NRXN1: variants seen among roughly 807,000 people sequenced by gnomAD.
NRXN1 encodes the protein neurexin-1.
Under a neutral mutation model 150.9 loss-of-function variants are expected in NRXN1, and 39 were observed. The ratio of observed to expected loss-of-function variants is 0.26; its 90% CI spans 0.20 to 0.34. NRXN1 has a LOEUF of 0.34. Among genes scored for constraint, NRXN1 ranks in the 10% least tolerant of loss-of-function variants. The pLI is 1.00. For missense variants in NRXN1, 1,815 were observed against 1,949.9 expected, an observed-to-expected ratio of 0.93 and a Z score of 1.30; for synonymous variants, 924 against 757.0, an observed-to-expected ratio of 1.22 and a Z score of -3.62.
intron 17 of NRXN1, among the ~76,000 whole-genome samples, chr2:50,278,388 G>A (rs2070944084): frequency 6.9e-6 from 1 of 145,892 alleles, no homozygotes; most frequent in African/African-American, 2.6e-5. Flanking sequence ...CTGACCTCAA[G>A]TGCTCCGCCC....
rs1327423715 is a variant in NRXN1, at chr2:50,978,303, TATAAA to T, written c.772+49194_772+49198del. On this transcript the variant is annotated intron_variant, in intron 2 of 22. Coordinates refer to ENST00000401669, the MANE Select transcript of NRXN1 (RefSeq NM_001330078.2). The stretch of plus-strand genomic sequence containing the variant: ...ATATATATATATATATATATATATA[TATAAA>T]ATATATATATTATAGATAGATTTGT... Among the ~76,000 whole-genome samples, 3 of 126,870 alleles carry T rather than the reference TATAAA, an allele frequency of 2.4e-5. No homozygotes were observed. In the East Asian group the frequency reaches 7.2e-4, roughly 30 times the overall value. The allele number at this position is 126,870 out of a possible 152,430, so 83.2% of individuals were successfully genotyped here.
intron 5 of NRXN1, among the ~76,000 whole-genome samples, chr2:50,664,046 G>T (rs1687668772): frequency 1.3e-5 from 2 of 151,752 alleles, no homozygotes; most frequent in African/African-American, 4.8e-5. Context: ...CTTGCTCAGG[G>T]GCTAGGAACA....
chr2:50,447,737 T>TTTTATTTATATATATATATA (rs1208594855), intron 17 of NRXN1, among the ~76,000 whole-genome samples: 1 of 37,934 alleles, frequency 2.6e-5, no homozygotes, highest in African/African-American at 1.6e-4. Context: ...CAGGGGAACG[T>TTTTATTTATATATATATATA]TATATATATA....
intron 17 of NRXN1, among the ~76,000 whole-genome samples, chr2:50,307,433 T>G (rs547010403): frequency 1.3e-5 from 2 of 152,182 alleles, no homozygotes; most frequent in Non-Finnish European, 2.9e-5. Context: ...GCAATTTAAT[T>G]AGTCACTAAG....
intron 17 of NRXN1, among the ~76,000 whole-genome samples, chr2:50,370,364 G>A (rs1339692641): frequency 6.6e-6 from 1 of 151,948 alleles, no homozygotes; most frequent in Admixed American, 6.6e-5. Flanking sequence ...TTAGGAATCT[G>A]CATTCTTAAC....
intron 17 of NRXN1, among the ~76,000 whole-genome samples, chr2:50,310,652 C>T (rs2075096779): frequency 6.6e-6 from 1 of 152,134 alleles, no homozygotes; most frequent in Non-Finnish European, 1.5e-5. Flanking sequence ...CAATCTGATA[C>T]TTCTACTGTT....
At chr2:50,282,638 T>C (rs544120181) in intron 17 of NRXN1, among the ~76,000 whole-genome samples, 555 of 152,246 alleles carry the variant, frequency 3.6e-3, no homozygotes, top group Non-Finnish European at 6.3e-3. Context: ...ACATAAATGG[T>C]ATAGTTTGGG....
At chr2:50,603,937 C>A (rs1676684359) in intron 8 of NRXN1, among the ~76,000 whole-genome samples, 1 of 152,150 alleles carries the variant, frequency 6.6e-6, no homozygotes, top group African/African-American at 2.4e-5. Flanking sequence ...GCTCCCCACT[C>A]CTTTTCACTT....
Position 50,787,340 on chromosome 2 carries a change from A to G in NRXN1, c.832+134529T>C, listed in dbSNP as rs544930770. Among the ~76,000 whole-genome samples, 452 of 152,124 alleles carry G rather than the reference A, an allele frequency of 3.0e-3. 2 individuals are homozygous for G. The highest frequency in any genetic ancestry group is 0.01 in the African/African-American group (420 of 41,538). The stretch of plus-strand genomic sequence containing the variant: ...TTTGGGAGGCCGAGGTGAGTGGATC[A>G]CCTGATGTCAGGAGTTCGAGACCAG... On this transcript the variant is annotated intron_variant, in intron 5 of 22. Transcript: ENST00000401669.
At position 50,683,646 on chromosome 2, in the gene NRXN1, A is replaced by AAAAAAAAAAAAATATATAT; in HGVS notation, c.833-60032_833-60031insATATATATTTTTTTTTTTT. On this transcript the variant is annotated intron_variant, in intron 5 of 22. Transcript: ENST00000401669. ...GACTCCGTCTCAAAAAAAAAAAAAA[A>AAAAAAAAAAAAATATATAT]ATATATATATATATATATATGTTAT... 7.2e-3 allele frequency among the ~76,000 whole-genome samples: 107 copies of AAAAAAAAAAAAATATATAT among 14,866 alleles called. 10 individuals carry two copies. Among genetic ancestry groups the AAAAAAAAAAAAATATATAT allele is most frequent in the South Asian group, 0.012 (2 of 162 alleles). 9.8% of individuals were successfully genotyped at this position (14,866 alleles called of 152,430 possible).
At chr2:49,971,814 G>A (rs947659660) in intron 21 of NRXN1, among the ~76,000 whole-genome samples, 19 of 152,016 alleles carry the variant, frequency 1.2e-4, no homozygotes, top group African/African-American at 4.6e-4. Context: ...AATGATCTGA[G>A]TATATTATCC....
intron 19 of NRXN1, among the ~76,000 whole-genome samples, chr2:50,067,671 C>T (rs897528188): frequency 6.6e-6 from 1 of 152,134 alleles, no homozygotes; most frequent in Non-Finnish European, 1.5e-5. Context: ...AATGGTTTAA[C>T]AGCTACAAAA....
At chr2:50,827,615 T>C (rs1670637087) in intron 5 of NRXN1, among the ~76,000 whole-genome samples, 1 of 152,262 alleles carries the variant, frequency 6.6e-6, no homozygotes, top group Non-Finnish European at 1.5e-5. Flanking sequence ...TTTATTTATT[T>C]AGTTTTTTAA....
chr2:50,685,218 G>A (rs559933838), intron 5 of NRXN1, among the ~76,000 whole-genome samples: 17 of 151,836 alleles, frequency 1.1e-4, no homozygotes, highest in East Asian at 5.8e-4. Context: ...TCTTTGATCC[G>A]CCTGTTTTTC....
At chr2:50,933,495 C>T (rs1005124090) in intron 2 of NRXN1, among the ~76,000 whole-genome samples, 1 of 152,012 alleles carries the variant, frequency 6.6e-6, no homozygotes, top group Non-Finnish European at 1.5e-5. Context: ...ATACAAACTG[C>T]AATTCTCTTT....
intron 15 of NRXN1, among the ~76,000 whole-genome samples, chr2:50,472,867 T>C (rs1298895302): frequency 7.3e-5 from 11 of 151,242 alleles, no homozygotes. Context: ...ATTAGTATCA[T>C]TGTTTCTAAA....
chr2:50,431,726 G>A (rs2084979491), intron 17 of NRXN1, among the ~76,000 whole-genome samples: 1 of 152,120 alleles, frequency 6.6e-6, no homozygotes, highest in Admixed American at 6.5e-5. Context: ...CAATCACAGA[G>A]TTGAATAGCT....
chr2:50,488,334 C>T (rs1205987428), intron 15 of NRXN1, among the ~76,000 whole-genome samples: 1 of 152,174 alleles, frequency 6.6e-6, no homozygotes, highest in Admixed American at 6.5e-5. Flanking sequence ...GAATTTGGCA[C>T]TAGAACTGCT....
At chr2:50,216,953 T>C (rs2063444427) in intron 18 of NRXN1, among the ~76,000 whole-genome samples, 1 of 152,098 alleles carries the variant, frequency 6.6e-6, no homozygotes, top group Admixed American at 6.6e-5. Context: ...ATAGAACCTA[T>C]TTAATGTTTT....
Sources: allele counts gnomAD v4.1 joint callset (sites outside exome capture counted in the v4.1 genomes callset), GRCh38; gene constraint gnomAD v4.1.1; transcripts MANE v1.5; gene names NCBI Gene and HGNC (gene_info 2026-07-23, HGNC 2026-07-21).